Variants in NFATC2 observed in about 807,000 individuals in gnomAD.
NFATC2 encodes the protein nuclear factor of activated T cells 2.
Under a neutral mutation model 87.3 loss-of-function variants are expected in NFATC2, and 22 were observed. The observed-to-expected ratio is 0.25, with a 90% confidence interval of 0.18 to 0.36. The LOEUF (loss-of-function observed/expected upper bound fraction) is 0.36. NFATC2 is among the 10% of genes least tolerant of loss of function. The pLI is 1.00. For missense variants in NFATC2, 1,149 were observed against 1,259.1 expected (o/e 0.91, Z 1.32); for synonymous variants, 565 against 542.2 (o/e 1.04, Z -0.58).
chr20:51,477,630 C>G (rs1298665314), intron 3 of NFATC2, among the ~76,000 whole-genome samples: 2 of 133,138 alleles, frequency 1.5e-5, no homozygotes, highest in African/African-American at 2.8e-5. Context: ...ATGATGTGTT[C>G]CTGTCTTGTC....
intron 3 of NFATC2, among the ~76,000 whole-genome samples, chr20:51,494,750 C>T (rs1047734185): frequency 6.6e-6 from 1 of 152,158 alleles, no homozygotes; most frequent in Non-Finnish European, 1.5e-5. Context: ...TTTGATGAAA[C>T]AGGAAATGAA....
rs113726366 is a variant in NFATC2, at chr20:51,434,945, C to G, written c.2032+243G>C. On this transcript the variant is annotated intron_variant, in intron 8 of 10. Transcript: ENST00000371564. ...TTCCCCCTTCCCCTAAAGGAAGGTA[C>G]TAAGGCAATAAGAGCTAATATCACT... Among the ~76,000 whole-genome samples the G allele has an allele frequency of 3.7e-3, 568 of 152,292 alleles. 5 individuals are homozygous for G. Among genetic ancestry groups the G allele is most frequent in the African/African-American group, 0.013 (538 of 41,546 alleles).
At chr20:51,558,784 G>A (rs577231207) in intron 1 of NFATC2, among the ~76,000 whole-genome samples, 1 of 152,132 alleles carries the variant, frequency 6.6e-6, no homozygotes, top group East Asian at 1.9e-4. Flanking sequence ...ATATTATTCT[G>A]GATAATATTA....
At chr20:51,498,720 G>A (rs1263444987) in intron 3 of NFATC2, among the ~76,000 whole-genome samples, 1 of 152,220 alleles carries the variant, frequency 6.6e-6, no homozygotes, top group Non-Finnish European at 1.5e-5. Flanking sequence ...CCAGGGGGTG[G>A]AGCTTGCAGT....
intron 10 of NFATC2, among the ~76,000 whole-genome samples, chr20:51,392,783 C>T (rs1236284476): frequency 6.6e-6 from 1 of 152,208 alleles, no homozygotes; most frequent in Non-Finnish European, 1.5e-5. Context: ...CGAAGTTTCT[C>T]CATGGTCAAA....
chr20:51,459,419 T>C (rs957934575), intron 5 of NFATC2, among the ~76,000 whole-genome samples: 5 of 152,186 alleles, frequency 3.3e-5, no homozygotes, highest in East Asian at 1.9e-4. Context: ...TGCCTGCTAA[T>C]ACGTGAGGCG....
Position 51,388,775 on chromosome 20 carries a change from A to G in NFATC2, c.*2721T>C, listed in dbSNP as rs1200047549. The G allele has an allele frequency of 6.6e-6, 1 of 152,226 alleles. No individual in the cohort carries two copies. Among genetic ancestry groups the G allele is most frequent in the African/African-American group, 2.4e-5 (1 of 41,460 alleles). The allele number at this position is 152,226 out of a possible 1,614,324, so 9.4% of individuals were successfully genotyped here. A position where few individuals can be genotyped will look rare whatever the true frequency, so the allele number is the denominator to read the frequency against. On this transcript the variant is annotated 3_prime_UTR_variant, in exon 11 of 11. Transcript: ENST00000371564. ...CACGGTAGACCTGTCAGAGTGCTACATATTTACATTAACTTAGATGTAGCA... is the reference window on the plus strand; with the variant it reads ...CACGGTAGACCTGTCAGAGTGCTACGTATTTACATTAACTTAGATGTAGCA...
At chr20:51,435,554 T>C (rs965188575) in intron 7 of NFATC2, 152 bp downstream of exon 7, 1 of 892,206 alleles carries the variant, frequency 1.1e-6, no homozygotes, top group African/African-American at 1.7e-5. Flanking sequence ...CCAATAAATG[T>C]TGAACTCACT....
chr20:51,493,753 C>A (rs901042189), intron 3 of NFATC2, among the ~76,000 whole-genome samples: 9 of 152,156 alleles, frequency 5.9e-5, no homozygotes, highest in African/African-American at 2.2e-4. Context: ...CCTGTCCAAT[C>A]CTCTCATCAG....
intron 3 of NFATC2, among the ~76,000 whole-genome samples, chr20:51,498,167 C>T (rs2076020784): frequency 6.6e-6 from 1 of 152,120 alleles, no homozygotes; most frequent in Non-Finnish European, 1.5e-5. Flanking sequence ...GTTGTCATTT[C>T]CTTCCTCTGC....
Position 51,480,454 on chromosome 20 carries a change from T to C in NFATC2, c.1333-4794A>G, listed in dbSNP as rs1319524128. ...AAAACCTCTTTAGGAAAGCCAAGAATGGCCTCTCTGAGTTGAAGAGCAGCC... is the reference window on the plus strand; with the variant it reads ...AAAACCTCTTTAGGAAAGCCAAGAACGGCCTCTCTGAGTTGAAGAGCAGCC... On this transcript the variant is annotated intron_variant, in intron 3 of 10. Coordinates refer to ENST00000371564, the MANE Select transcript of NFATC2 (RefSeq NM_012340.5). The surrounding 1 kb of genome is among the most constrained non-coding windows in gnomAD (Gnocchi z 4.2). Among the ~76,000 whole-genome samples the C allele has an allele frequency of 2.0e-5, 3 of 152,260 alleles. No individual in the cohort carries two copies. Among genetic ancestry groups the C allele is most frequent in the Non-Finnish European group, 4.4e-5 (3 of 68,016 alleles).
At chr20:51,442,205 G>C (rs890422070) in intron 6 of NFATC2, among the ~76,000 whole-genome samples, 2 of 152,194 alleles carry the variant, frequency 1.3e-5, no homozygotes, top group African/African-American at 4.8e-5. Flanking sequence ...GCCGAGGTGG[G>C]TGGATCACTT....
intron 6 of NFATC2, among the ~76,000 whole-genome samples, chr20:51,446,789 A>G (rs2146396127): frequency 6.6e-6 from 1 of 152,366 alleles, no homozygotes; most frequent in South Asian, 2.1e-4. Flanking sequence ...TTCGTGTCCC[A>G]GCAAAGCTGT....
At chr20:51,462,022 G>A (rs1382545149) in intron 5 of NFATC2, among the ~76,000 whole-genome samples, 1 of 152,178 alleles carries the variant, frequency 6.6e-6, no homozygotes, top group Non-Finnish European at 1.5e-5. Context: ...GGGAGGCTGA[G>A]GCAAGAGAAT....
chr20:51,425,462 C>T (rs554247591), intron 9 of NFATC2, among the ~76,000 whole-genome samples: 1 of 152,290 alleles, frequency 6.6e-6, no homozygotes, highest in African/African-American at 2.4e-5. Context: ...TGGGCAACTG[C>T]CTGGCTCAGT....
intron 3 of NFATC2, among the ~76,000 whole-genome samples, chr20:51,491,877 T>A (rs6021244): frequency 1.7e-5 from 1 of 57,410 alleles, no homozygotes; most frequent in South Asian, 7.0e-4. Context: ...CACATACACA[T>A]ACACACACAC....
intron 6 of NFATC2, among the ~76,000 whole-genome samples, chr20:51,452,609 C>T (rs1351284429): frequency 6.6e-6 from 1 of 152,176 alleles, no homozygotes; most frequent in Non-Finnish European, 1.5e-5. Context: ...CTCAACGCTT[C>T]CACTTCCAAA....
chr20:51,418,686 G>A lies in NFATC2; in HGVS notation c.2722+13381C>T, dbSNP rs138095114. Among the ~76,000 whole-genome samples the A allele has an allele frequency of 9.8e-3, 1,355 of 137,930 alleles. 45 individuals carry two copies. The East Asian group carries it at 0.12, about 12-fold the overall frequency. The allele number at this position is 137,930 out of a possible 152,430, so 90.5% of individuals were successfully genotyped here. ...TTTTTTTTTTTTTTTTTTTTGAGAC[G>A]GAGTCTCGCTCTGTCCCCCAGGCTG... On this transcript the variant is annotated intron_variant, in intron 9 of 10. Transcript: ENST00000371564.
At chr20:51,475,405 C>T (rs936918520) in intron 4 of NFATC2, 53 bp downstream of exon 4, 10 of 1,578,690 alleles carry the variant, frequency 6.3e-6, no homozygotes, top group Admixed American at 5.0e-5. Flanking sequence ...CTGCCACCTG[C>T]CCCCTGCTCG....
Sources: gnomAD v4.1 joint callset for allele counts (sites outside exome capture counted in the v4.1 genomes callset) on GRCh38, gnomAD v4.1.1 for gene constraint, Gnocchi (gnomAD v3.1) non-coding constraint, MANE v1.5 for transcripts, NCBI Gene and HGNC (gene_info 2026-07-23, HGNC 2026-07-21) for gene names.